Variants in USP49 observed in about 807,000 individuals in gnomAD.
USP49 encodes ubiquitin specific peptidase 49.
A neutral mutation model predicts 58.6 loss-of-function variants in USP49; 24 were observed. The observed-to-expected ratio is 0.41, with a 90% CI of 0.30 to 0.58. The LOEUF is 0.58. Among genes scored for constraint, USP49 ranks in the 20% least tolerant of loss-of-function variants. The pLI is 0.30. For synonymous variants in USP49, 408 were observed against 365.1 expected (o/e 1.12, Z -1.34); for missense variants, 703 against 866.1 (o/e 0.81, Z 2.36).
intron 3 of USP49, among the ~76,000 whole-genome samples, chr6:41,867,090 T>C (rs1265928637): frequency 6.6e-6 from 1 of 152,236 alleles, no homozygotes; most frequent in Non-Finnish European, 1.5e-5. Context: ...CGCTGTACTT[T>C]ACCATATTTT....
At chr6:41,805,323 G>A (rs1384423941) in intron 4 of USP49, among the ~76,000 whole-genome samples, 1 of 152,006 alleles carries the variant, frequency 6.6e-6, no homozygotes, top group Non-Finnish European at 1.5e-5. Context: ...CCAACAATGG[G>A]TACTTAATTA....
At position 41,877,565 on chromosome 6, in the gene USP49, A is replaced by AT. The variant is rs34374721; in HGVS notation, c.-102-5929dup. The stretch of plus-strand genomic sequence containing the variant: ...TAATGAATCACTCATATGGGATCCC[A>AT]TTTTTTTTTTTTTTTTTGAGACAGT... On this transcript the variant is annotated intron_variant, in intron 2 of 7. Coordinates refer to ENST00000682992, the MANE Select transcript of USP49 (RefSeq NM_001286554.2). 3.5e-3 allele frequency among the ~76,000 whole-genome samples: 490 copies of AT among 138,414 alleles called. 2 individuals are homozygous for AT. Among genetic ancestry groups the AT allele is most frequent in the Middle Eastern group, 0.031 (8 of 262 alleles). 90.8% of individuals were successfully genotyped at this position (138,414 alleles called of 152,430 possible). A position where few individuals can be genotyped will look rare whatever the true frequency, so the allele number is the denominator to read the frequency against.
intron 3 of USP49, among the ~76,000 whole-genome samples, chr6:41,839,404 CAAAAAAAAAAAAAAAAA>C (rs538220746): frequency 5.4e-4 from 12 of 22,260 alleles, no homozygotes; most frequent in African/African-American, 1.6e-3. Context: ...GGCCTTGTCT[CAAAAAAAAAAAAAAAAA>C]AAAAAAAAAA....
chr6:41,861,999 G>GC (rs1429039760), intron 3 of USP49, among the ~76,000 whole-genome samples: 2 of 152,154 alleles, frequency 1.3e-5, no homozygotes, highest in Non-Finnish European at 2.9e-5. Flanking sequence ...ACCGCACCCG[G>GC]CCATGTCACT....
intron 5 of USP49, among the ~76,000 whole-genome samples, chr6:41,802,402 TTTATTTTTTATTTTATTTTA>T (rs1367522125): frequency 8.0e-6 from 1 of 124,574 alleles, no homozygotes; most frequent in African/African-American, 3.2e-5. Flanking sequence ...TTTATTTTAT[TTTATTTTTTATTTTATTTTA>T]TTTTATTTTA....
chr6:41,798,590 C>A lies in USP49; in HGVS notation c.1876+134G>T, dbSNP rs927116075. 6 of 1,574,588 alleles carry A rather than the reference C, an allele frequency of 3.8e-6. No homozygotes were observed. In the African/African-American group the frequency reaches 5.4e-5, roughly 14 times the overall value. On this transcript the variant is annotated intron_variant, in intron 7 of 7. Coordinates refer to ENST00000682992, the MANE Select transcript of USP49 (RefSeq NM_001286554.2). ...GGCGCCCAACCCAATTTTCACAATT[C>A]TTTCCACTGGATTTTTGATGTATGT...
Position 41,807,780 on chromosome 6 carries a change from A to AT in USP49, c.-28-770dup, listed in dbSNP as rs1184665776. Among the ~76,000 whole-genome samples, 276 of 141,238 alleles carry AT rather than the reference A, an allele frequency of 2.0e-3. 2 individuals carry two copies. Among genetic ancestry groups the AT allele is most frequent in the South Asian group, 9.7e-3 (43 of 4,438 alleles). 92.7% of individuals were successfully genotyped at this position (141,238 alleles called of 152,430 possible). A position where few individuals can be genotyped will look rare whatever the true frequency, so the allele number is the denominator to read the frequency against. ...TTAATTTATTTTTTGTTTTTTATGTATTTTTTTTTTTGAGGTCGAGCCTCC... is the reference window on the plus strand; with the variant it reads ...TTAATTTATTTTTTGTTTTTTATGTATTTTTTTTTTTTGAGGTCGAGCCTCC... On this transcript the variant is annotated intron_variant, in intron 3 of 7. Transcript: ENST00000682992.
In USP49 at chr6:41,805,542, A is replaced by G. The variant is rs1021406555; in HGVS notation, c.1356+86T>C. ...ATCACAGCAAATGTGGGCTACTCTTATTAGCCCAATAACCCGGGGAAGGCA... is the reference window on the plus strand; with the variant it reads ...ATCACAGCAAATGTGGGCTACTCTTGTTAGCCCAATAACCCGGGGAAGGCA... On this transcript the variant is annotated intron_variant, in intron 4 of 7. Transcript: ENST00000682992. 3.5e-6 allele frequency: 5 copies of G among 1,416,938 alleles called. No homozygotes were observed. In the Admixed American group the frequency reaches 1.1e-4, roughly 30 times the overall value. 87.8% of individuals were successfully genotyped at this position (1,416,938 alleles called of 1,614,324 possible).
At chr6:41,827,600 C>T in intron 3 of USP49, among the ~76,000 whole-genome samples, 1 of 142,210 alleles carries the variant, frequency 7.0e-6, no homozygotes. Flanking sequence ...GCAGAAGTTG[C>T]AGTGAGCCAA....
intron 3 of USP49, among the ~76,000 whole-genome samples, chr6:41,843,814 C>A (rs1026744445): frequency 1.3e-5 from 2 of 152,018 alleles, no homozygotes; most frequent in African/African-American, 4.8e-5. Flanking sequence ...GAAGCTGCGG[C>A]GGGCAGATCA....
At chr6:41,833,167 C>A (rs375365778) in intron 3 of USP49, among the ~76,000 whole-genome samples, 1 of 151,920 alleles carries the variant, frequency 6.6e-6, no homozygotes, top group South Asian at 2.1e-4. Flanking sequence ...CAGGTGCCCG[C>A]CACCATGCCC....
intron 3 of USP49, among the ~76,000 whole-genome samples, chr6:41,837,834 C>G (rs1173818373): frequency 6.6e-6 from 1 of 152,070 alleles, no homozygotes; most frequent in East Asian, 1.9e-4. Context: ...CATATGGTGG[C>G]CAACAAGCAT....
intron 3 of USP49, among the ~76,000 whole-genome samples, chr6:41,867,974 AAAATC>A (rs777666453): frequency 7.9e-5 from 12 of 152,360 alleles, no homozygotes; most frequent in Middle Eastern, 6.8e-3. Flanking sequence ...ACAGGCAAAC[AAAATC>A]AAATAGTTAC....
rs542472972 is a variant in USP49 at position 41,807,031 on chromosome 6, AAAAAAG to A, written c.-28-26_-28-21del. 14 of 1,345,058 alleles carry A rather than the reference AAAAAAG, an allele frequency of 1.0e-5. No homozygotes were observed. Among genetic ancestry groups the A allele is most frequent in the South Asian group, 5.2e-5 (2 of 38,150 alleles). 83.3% of individuals were successfully genotyped at this position (1,345,058 alleles called of 1,614,324 possible). ...CTCAACCTGGCACGACAGAGTCCCCAAAAAAGAAAAAGAAAAAGAAAACACTTTTAG... is the reference window on the plus strand; with the variant it reads ...CTCAACCTGGCACGACAGAGTCCCCAAAAAAGAAAAAGAAAACACTTTTAG... On this transcript the variant is annotated intron_variant, in intron 3 of 7. Coordinates refer to ENST00000682992, the MANE Select transcript of USP49 (RefSeq NM_001286554.2).
chr6:41,856,423 C>G (rs866069456), intron 3 of USP49, among the ~76,000 whole-genome samples: 4 of 152,188 alleles, frequency 2.6e-5, no homozygotes, highest in African/African-American at 9.6e-5. Context: ...CATTTCAGCG[C>G]TCTCTCAAAC....
chr6:41,843,569 C>T (rs761403452), intron 3 of USP49, among the ~76,000 whole-genome samples: 32 of 151,956 alleles, frequency 2.1e-4, no homozygotes, highest in Non-Finnish European at 4.1e-4. Context: ...TCGTTTGAGC[C>T]CAGGAGTTCA....
intron 2 of USP49, chr6:41,874,212 A>G (rs1168695536): frequency 6.6e-6 from 1 of 152,168 alleles, no homozygotes; most frequent in Non-Finnish European, 1.5e-5. Context: ...AACTTCTCCG[A>G]GCCTGTTTTC....
chr6:41,835,480 G>T (rs146588883), intron 3 of USP49, among the ~76,000 whole-genome samples: 2 of 151,604 alleles, frequency 1.3e-5, no homozygotes, highest in Non-Finnish European at 2.9e-5. Context: ...TTGGGAGGCC[G>T]AGGTGGGTGG....
At chr6:41,829,160 G>A (rs191667458) in intron 3 of USP49, among the ~76,000 whole-genome samples, 68 of 152,150 alleles carry the variant, frequency 4.5e-4, no homozygotes, top group African/African-American at 1.4e-3. Flanking sequence ...TCTGTATTAG[G>A]TTTAATCATA....
Sources: allele counts gnomAD v4.1 joint callset (sites outside exome capture counted in the v4.1 genomes callset), GRCh38; gene constraint gnomAD v4.1.1; transcripts MANE v1.5; gene names NCBI Gene and HGNC (gene_info 2026-07-23, HGNC 2026-07-21).